Variants in TNNI3K observed in about 807,000 individuals in gnomAD.
TNNI3K encodes the protein serine/threonine-protein kinase TNNI3K.
A neutral mutation model predicts 114.5 loss-of-function variants in TNNI3K; 140 were observed. That is an observed-to-expected ratio of 1.22 (90% CI 1.07 to 1.41). The LOEUF is 1.41. Ranked by LOEUF, TNNI3K falls within the 40% of genes most tolerant of loss-of-function variation. The probability of loss-of-function intolerance (pLI) is 0.00; values close to 1 mark genes in which losing one functional copy is unlikely to be tolerated. For synonymous variants in TNNI3K, 347 were observed against 347.5 expected (o/e 1.00, Z 0.02); for missense variants, 1,125 against 1,007.6 (o/e 1.12, Z -1.58).
chr1:74,409,492 C>CTTTTT (rs540218540), intron 17 of TNNI3K, among the ~76,000 whole-genome samples: 3 of 124,898 alleles, frequency 2.4e-5, no homozygotes, highest in African/African-American at 6.2e-5. Flanking sequence ...CTATTTGTTT[C>CTTTTT]TTTTTTTTTT....
At chr1:74,391,251 A>G (rs1247933795) in intron 17 of TNNI3K, among the ~76,000 whole-genome samples, 1 of 152,196 alleles carries the variant, frequency 6.6e-6, no homozygotes, top group Non-Finnish European at 1.5e-5. Context: ...TTAGATTAAT[A>G]CTAGAATATT....
At chr1:74,527,669 A>C (rs981134036) in intron 23 of TNNI3K, among the ~76,000 whole-genome samples, 2 of 152,126 alleles carry the variant, frequency 1.3e-5, no homozygotes, top group African/African-American at 4.8e-5. Context: ...GTTGATCTAC[A>C]TGTGTTGGGC....
At chr1:74,418,604 A>G (rs1449047712) in intron 17 of TNNI3K, among the ~76,000 whole-genome samples, 1 of 152,036 alleles carries the variant, frequency 6.6e-6, no homozygotes, top group East Asian at 1.9e-4. Context: ...AGCGTTTCTA[A>G]TTGGGTAAAA....
intron 4 of TNNI3K, among the ~76,000 whole-genome samples, chr1:74,254,623 A>G (rs547067586): frequency 2.0e-5 from 3 of 152,208 alleles, no homozygotes; most frequent in Admixed American, 2.0e-4. Flanking sequence ...CCTTTTGTTC[A>G]CTACATCAAA....
In TNNI3K at chr1:74,464,678, C is replaced by T. The variant is rs779907534; in HGVS notation, c.2121+1128C>T. 11 of 1,597,186 alleles carry T rather than the reference C, an allele frequency of 6.9e-6. No individual in the cohort carries two copies. In the Admixed American group the frequency reaches 6.9e-5, roughly 10 times the overall value. On this transcript the variant is annotated intron_variant, in intron 21 of 24. Transcript: ENST00000326637. The stretch of plus-strand genomic sequence containing the variant: ...CATTACCCAGTCTCATCTGTGTACA[C>T]AGAAACTCTTAAGAAGAAAAATGAA...
At chr1:74,534,182 T>C (rs1646630560) in intron 23 of TNNI3K, among the ~76,000 whole-genome samples, 1 of 150,628 alleles carries the variant, frequency 6.6e-6, no homozygotes, top group Admixed American at 6.7e-5. Flanking sequence ...TCTGGGTCTC[T>C]TTATTTAAAA....
At chr1:74,483,070 A>T (rs3765677) in intron 21 of TNNI3K, among the ~76,000 whole-genome samples, 1 of 152,324 alleles carries the variant, frequency 6.6e-6, no homozygotes, top group South Asian at 2.1e-4. Context: ...AGGTCTTTAA[A>T]TAGTTTTGAT....
intron 21 of TNNI3K, among the ~76,000 whole-genome samples, chr1:74,474,418 C>A (rs1215417390): frequency 6.6e-6 from 1 of 152,098 alleles, no homozygotes; most frequent in East Asian, 1.9e-4. Context: ...TACCTTATAA[C>A]ATACGTGAAA....
chr1:74,345,117 CATT>C (rs1316818900), intron 9 of TNNI3K, among the ~76,000 whole-genome samples: 1 of 151,872 alleles, frequency 6.6e-6, no homozygotes, highest in Non-Finnish European at 1.5e-5. Context: ...ATTCAGAACT[CATT>C]ATCTGTAAGT....
chr1:74,318,017 G>T (rs1438792415), intron 5 of TNNI3K, among the ~76,000 whole-genome samples: 1 of 152,128 alleles, frequency 6.6e-6, no homozygotes, highest in Admixed American at 6.5e-5. Context: ...TCTCAAGAAA[G>T]GTAGTTTGCC....
Position 74,279,430 on chromosome 1 carries a change from T to C in TNNI3K, c.444+7722T>C, listed in dbSNP as rs527310446. 2.0e-5 allele frequency among the ~76,000 whole-genome samples: 3 copies of C among 152,354 alleles called. No individual in the cohort carries two copies. In the East Asian group the frequency reaches 5.8e-4, roughly 29 times the overall value. On this transcript the variant is annotated intron_variant, in intron 5 of 24. Coordinates refer to ENST00000326637, the MANE Select transcript of TNNI3K (RefSeq NM_015978.3). ...TAGCAATATAGTATAACCAGTGAACTTCTTTGAAAATAGAATCTCAAGACT... is the reference window on the plus strand; with the variant it reads ...TAGCAATATAGTATAACCAGTGAACCTCTTTGAAAATAGAATCTCAAGACT...
Position 74,331,750 on chromosome 1 carries a change from T to C in TNNI3K, c.543+202T>C, listed in dbSNP as rs529102473. Among the ~76,000 whole-genome samples the C allele has an allele frequency of 3.9e-5, 6 of 152,330 alleles. No individual in the cohort carries two copies. In the South Asian group the frequency reaches 1.2e-3, roughly 32 times the overall value. On this transcript the variant is annotated intron_variant, in intron 6 of 24. Coordinates refer to ENST00000326637, the MANE Select transcript of TNNI3K (RefSeq NM_015978.3). ...TTACTCATTTTTGCTGATGATCTTA[T>C]TACACAAAGAGGCAGAAAAGTACAT...
At chr1:74,265,802 T>C (rs529547523) in intron 4 of TNNI3K, among the ~76,000 whole-genome samples, 1 of 152,030 alleles carries the variant, frequency 6.6e-6, no homozygotes, top group East Asian at 1.9e-4. Context: ...ATGTCGCAAA[T>C]GTAGGAAGTG....
intron 17 of TNNI3K, chr1:74,375,282 G>T (rs755881123): frequency 3.8e-5 from 6 of 159,404 alleles, no homozygotes; most frequent in Non-Finnish European, 2.8e-5. Flanking sequence ...ACTCCACTTT[G>T]CTTCTAACCT....
Position 74,473,494 on chromosome 1 carries a change from C to T in TNNI3K, c.2121+9944C>T, listed in dbSNP as rs148384442. Among the ~76,000 whole-genome samples the T allele has an allele frequency of 8.0e-3, 1,214 of 150,820 alleles. 22 individuals carry two copies. The highest frequency in any genetic ancestry group is 0.029 in the African/African-American group (1,173 of 41,142). On this transcript the variant is annotated intron_variant, in intron 21 of 24. Transcript: ENST00000326637. ...TCTTAACTGCAAAACATCTTAACCG[C>T]AAAAAATCCTAACAGCACTATTGCT... is the stretch of plus-strand genomic sequence containing the variant.
intron 17 of TNNI3K, among the ~76,000 whole-genome samples, chr1:74,406,009 C>A (rs974091703): frequency 6.6e-6 from 1 of 152,148 alleles, no homozygotes; most frequent in African/African-American, 2.4e-5. Flanking sequence ...GGTTAAAAAG[C>A]CTGGGCTAAT....
At chr1:74,381,520 T>A (rs1406092747) in intron 17 of TNNI3K, among the ~76,000 whole-genome samples, 1 of 152,158 alleles carries the variant, frequency 6.6e-6, no homozygotes, top group Admixed American at 6.6e-5. Flanking sequence ...TTACACAAAC[T>A]TTGCTTATAA....
chr1:74,484,931 A>C (rs1326644314), intron 21 of TNNI3K, among the ~76,000 whole-genome samples: 1 of 152,210 alleles, frequency 6.6e-6, no homozygotes, highest in Non-Finnish European at 1.5e-5. Context: ...AGGCAATTGT[A>C]GTAATACAAG....
At chr1:74,510,024 C>T (rs536437177) in intron 23 of TNNI3K, among the ~76,000 whole-genome samples, 25 of 152,100 alleles carry the variant, frequency 1.6e-4, no homozygotes, top group African/African-American at 5.1e-4. Flanking sequence ...TGAGCCTATG[C>T]GCCCAGCTTG....
Sources: allele counts gnomAD v4.1 joint callset (sites outside exome capture counted in the v4.1 genomes callset), GRCh38; gene constraint gnomAD v4.1.1; transcripts MANE v1.5; gene names NCBI Gene and HGNC (gene_info 2026-07-23, HGNC 2026-07-21).